Variants in RNF220 observed in about 807,000 individuals in gnomAD.
The protein encoded by RNF220 is E3 ubiquitin-protein ligase RNF220.
A neutral mutation model predicts 67.1 loss-of-function variants in RNF220; 7 were observed. The observed-to-expected ratio is 0.10, with a 90% CI of 0.06 to 0.20. The LOEUF is 0.20. RNF220 is among the 10% of genes least tolerant of loss of function. RNF220 has a pLI of 1.00. For synonymous variants in RNF220, 270 were observed against 283.2 expected, an observed-to-expected ratio of 0.95 and a Z score of 0.47; for missense variants, 565 against 740.3, an observed-to-expected ratio of 0.76 and a Z score of 2.75.
Position 44,621,557 on chromosome 1 carries a change from G to A in RNF220, c.759-1185G>A, listed in dbSNP as rs1019980360. On this transcript the variant is annotated intron_variant, in intron 3 of 14. Transcript: ENST00000361799. This position sits in a 1 kb window ranked among gnomAD's most constrained non-coding sequence, Gnocchi z 4.8. ...CCAGACATTGCTGGATGTCCCCTGT[G>A]CAGGTGAACATCCCTTCCCCTTCTC... Among the ~76,000 whole-genome samples, 1 of 152,160 alleles carries A rather than the reference G, an allele frequency of 6.6e-6. No homozygotes were observed. Among genetic ancestry groups the A allele is most frequent in the Non-Finnish European group, 1.5e-5 (1 of 68,042 alleles).
At chr1:44,512,383 A>T (rs1659082318) in intron 2 of RNF220, among the ~76,000 whole-genome samples, 1 of 152,218 alleles carries the variant, frequency 6.6e-6, no homozygotes, top group African/African-American at 2.4e-5. Flanking sequence ...AAAAAGCCAT[A>T]GGAAGGCCCT....
intron 2 of RNF220, among the ~76,000 whole-genome samples, chr1:44,434,564 A>C (rs1432290876): frequency 6.6e-6 from 1 of 151,908 alleles, no homozygotes; most frequent in Non-Finnish European, 1.5e-5. Context: ...ACAACAACAA[A>C]AAATTAGCCA....
chr1:44,553,551 G>C (rs778309811), intron 2 of RNF220, among the ~76,000 whole-genome samples: 9 of 152,152 alleles, frequency 5.9e-5, no homozygotes, highest in Non-Finnish European at 1.3e-4. Context: ...ATGAGAAGCT[G>C]CCTAGGCCAA....
chr1:44,424,100 G>C, intron 2 of RNF220: 2 of 809,140 alleles, frequency 2.5e-6, no homozygotes, highest in Non-Finnish European at 3.0e-6. Context: ...CAAAGAAGTA[G>C]GAGATGATAC....
intron 2 of RNF220, among the ~76,000 whole-genome samples, chr1:44,535,466 T>C (rs1229379059): frequency 6.6e-6 from 1 of 152,172 alleles, no homozygotes; most frequent in East Asian, 1.9e-4. Context: ...GAGAAATTTG[T>C]GAGAACTCCC....
At chr1:44,521,478 C>T (rs1002331623) in intron 2 of RNF220, among the ~76,000 whole-genome samples, 1 of 152,084 alleles carries the variant, frequency 6.6e-6, no homozygotes, top group Non-Finnish European at 1.5e-5. Flanking sequence ...CTGGTCAGGA[C>T]CATAGAGGAG....
rs1049028365 is a variant in RNF220, at chr1:44,419,260, G to A, written c.625+6538G>A. On this transcript the variant is annotated intron_variant, in intron 2 of 14. Coordinates refer to ENST00000361799, the MANE Select transcript of RNF220 (RefSeq NM_018150.4). ...GTTGTTATCCTTTGTAACTTCACATGTGTGCTACAGGGTAGGAATTTGTAA... is the reference window on the plus strand; with the variant it reads ...GTTGTTATCCTTTGTAACTTCACATATGTGCTACAGGGTAGGAATTTGTAA... 7.2e-5 allele frequency: 11 copies of A among 152,224 alleles called. 1 individual carries two copies. The highest frequency in any genetic ancestry group is 2.4e-4 in the African/African-American group (10 of 41,458). 9.4% of individuals were successfully genotyped at this position (152,224 alleles called of 1,614,324 possible). A position where few individuals can be genotyped will look rare whatever the true frequency, so the allele number is the denominator to read the frequency against.
At chr1:44,569,669 T>C (rs1017456392) in intron 2 of RNF220, among the ~76,000 whole-genome samples, 1 of 152,026 alleles carries the variant, frequency 6.6e-6, no homozygotes, top group Non-Finnish European at 1.5e-5. Context: ...GACCCCACCC[T>C]GGCAGAGCCA....
At chr1:44,452,907 T>C (rs1441865070) in intron 2 of RNF220, among the ~76,000 whole-genome samples, 1 of 152,242 alleles carries the variant, frequency 6.6e-6, no homozygotes, top group Non-Finnish European at 1.5e-5. Context: ...ATCTTATAAG[T>C]ATTTTGATCA....
intron 2 of RNF220, among the ~76,000 whole-genome samples, chr1:44,454,920 A>G (rs1572554171): frequency 6.6e-6 from 1 of 151,964 alleles, no homozygotes; most frequent in Non-Finnish European, 1.5e-5. Flanking sequence ...ATATACCGCC[A>G]TTTGTTTATG....
At chr1:44,552,318 C>T (rs1662701750) in intron 2 of RNF220, among the ~76,000 whole-genome samples, 1 of 151,942 alleles carries the variant, frequency 6.6e-6, no homozygotes, top group Admixed American at 6.6e-5. Flanking sequence ...CCAGCCTGGG[C>T]AACAGGAGTG....
chr1:44,481,902 T>A (rs1655850237), intron 2 of RNF220, among the ~76,000 whole-genome samples: 1 of 152,166 alleles, frequency 6.6e-6, no homozygotes, highest in African/African-American at 2.4e-5. Flanking sequence ...TGTGAGGGAT[T>A]AGACTTCAGT....
At chr1:44,519,723 A>G (rs1287567409) in intron 2 of RNF220, among the ~76,000 whole-genome samples, 8 of 152,186 alleles carry the variant, frequency 5.3e-5, no homozygotes, top group Admixed American at 5.2e-4. Context: ...TGTAGAGAGA[A>G]GAATAGATTG....
At chr1:44,505,906 C>T (rs1658374149) in intron 2 of RNF220, among the ~76,000 whole-genome samples, 1 of 152,110 alleles carries the variant, frequency 6.6e-6, no homozygotes, top group Non-Finnish European at 1.5e-5. Context: ...CCCCCATGCC[C>T]TGCCCCAGTC....
chr1:44,580,459 T>C (rs973023081), intron 2 of RNF220, among the ~76,000 whole-genome samples: 2 of 152,212 alleles, frequency 1.3e-5, no homozygotes. Context: ...CAAAAGGCTA[T>C]TGTGTGGGAC....
chr1:44,513,449 A>G (rs1659194765), intron 2 of RNF220, among the ~76,000 whole-genome samples: 1 of 151,818 alleles, frequency 6.6e-6, no homozygotes. Context: ...TTCTTTTCAG[A>G]GTTGACAGGG....
Position 44,645,239 on chromosome 1 carries a change from G to T in RNF220, c.1329G>T (p.Thr443=). 1.2e-6 allele frequency: 2 copies of T among 1,613,966 alleles called. No homozygotes were observed. The highest frequency in any genetic ancestry group is 3.3e-4 in the Middle Eastern group (2 of 6,062). ...GAVLNGGPPS[T]RITPEFSKWA... is the part of the protein sequence containing the mutation. ...CCTCCAGTGGCGGCCCTCCCAGCACGCGCATCACACCTGAGTTCTCTAAAT... is the reference window on the plus strand; with the variant it reads ...CCTCCAGTGGCGGCCCTCCCAGCACTCGCATCACACCTGAGTTCTCTAAAT... The change falls in exon 11 of 15, where the codon ACG becomes ACT. Residue 443 remains threonine (T), a synonymous_variant. Transcript: ENST00000361799. The surrounding 1 kb of genome is among the most constrained non-coding windows in gnomAD (Gnocchi z 5.0).
chr1:44,487,777 G>C (rs904912311), intron 2 of RNF220, among the ~76,000 whole-genome samples: 2 of 150,182 alleles, frequency 1.3e-5, no homozygotes, highest in African/African-American at 4.9e-5. Flanking sequence ...CTACTCAGGA[G>C]ACTGAGGCAG....
At chr1:44,610,040 T>C (rs1274737068) in intron 2 of RNF220, among the ~76,000 whole-genome samples, 1 of 152,142 alleles carries the variant, frequency 6.6e-6, no homozygotes, top group Non-Finnish European at 1.5e-5. Flanking sequence ...CAGGGATACC[T>C]GTGGCAAGCA....
Sources: allele counts gnomAD v4.1 joint callset (sites outside exome capture counted in the v4.1 genomes callset), GRCh38; gene constraint gnomAD v4.1.1; non-coding constraint Gnocchi (gnomAD v3.1); transcripts MANE v1.5; gene names NCBI Gene and HGNC (gene_info 2026-07-23, HGNC 2026-07-21).